The following EDRF1 variants were observed in gnomAD, a reference collection of about 807,000 sequenced individuals.
EDRF1 encodes the protein erythroid differentiation-related factor 1.
A neutral mutation model predicts 148.7 loss-of-function variants in EDRF1; 69 were observed. The ratio of observed to expected loss-of-function variants is 0.46; its 90% CI spans 0.38 to 0.57. EDRF1 has a LOEUF of 0.57. Among genes scored for constraint, EDRF1 ranks in the 20% least tolerant of loss-of-function variants. The probability of loss-of-function intolerance (pLI) is 0.00; values close to 1 mark genes in which losing one functional copy is unlikely to be tolerated. For synonymous variants in EDRF1, 515 were observed against 532.8 expected (o/e 0.97, Z 0.46); for missense variants, 1,118 against 1,478.7 (o/e 0.76, Z 4.00).
intron 19 of EDRF1, chr10:125,747,187 C>G (rs1006048857): frequency 9.8e-6 from 2 of 204,192 alleles, no homozygotes; most frequent in Non-Finnish European, 2.0e-5. Context: ...AGTTTTTAAT[C>G]TAATTTACTA....
chr10:125,747,294 G>A (rs1364691592), intron 19 of EDRF1: 1 of 535,568 alleles, frequency 1.9e-6, no homozygotes, highest in Non-Finnish European at 3.3e-6. Flanking sequence ...CAGCAGCACG[G>A]ATTGGCTTCT....
At chr10:125,735,302 G>A (rs1848673041) in intron 12 of EDRF1, among the ~76,000 whole-genome samples, 6 of 151,966 alleles carry the variant, frequency 3.9e-5, no homozygotes, top group Admixed American at 3.9e-4. Flanking sequence ...TTTCTCACTT[G>A]GCATAGGGTG....
At chr10:125,742,106 G>T in intron 17 of EDRF1, 1 of 708,970 alleles carries the variant, frequency 1.4e-6, no homozygotes, top group South Asian at 1.5e-5. Context: ...GGTGAAGGAG[G>T]TTAATTAACC....
intron 13 of EDRF1, among the ~76,000 whole-genome samples, chr10:125,736,725 A>G (rs150357113): frequency 6.6e-6 from 1 of 151,854 alleles, no homozygotes; most frequent in Non-Finnish European, 1.5e-5. Context: ...AAAAGCATCA[A>G]GATTATGCTC....
At chr10:125,737,385 C>T (rs765143977) in intron 13 of EDRF1, among the ~76,000 whole-genome samples, 11 of 152,144 alleles carry the variant, frequency 7.2e-5, no homozygotes, top group Non-Finnish European at 1.3e-4. Flanking sequence ...GCTCCAGGGT[C>T]CCAGCTCCCC....
chr10:125,763,659 G>A lies in EDRF1; in HGVS notation c.*187G>A. 1 of 676,650 alleles carries A rather than the reference G, an allele frequency of 1.5e-6. No homozygotes were observed. Among genetic ancestry groups the A allele is most frequent in the Non-Finnish European group, 2.5e-6 (1 of 402,578 alleles). The allele number at this position is 676,650 out of a possible 1,614,324, so 41.9% of individuals were successfully genotyped here. A position where few individuals can be genotyped will look rare whatever the true frequency, so the allele number is the denominator to read the frequency against. ...GAGTTCTGTGGCTTCTTCACTTGAAGTGCTAACATCAGAATCAAACTTAAA... is the reference window on the plus strand; with the variant it reads ...GAGTTCTGTGGCTTCTTCACTTGAAATGCTAACATCAGAATCAAACTTAAA... On this transcript the variant is annotated 3_prime_UTR_variant, in exon 25 of 25. Transcript: ENST00000356792. The surrounding 1 kb of genome is among the most constrained non-coding windows in gnomAD (Gnocchi z 4.3).
chr10:125,762,527 G>C (rs939528307), intron 24 of EDRF1, among the ~76,000 whole-genome samples: 1 of 151,494 alleles, frequency 6.6e-6, no homozygotes, highest in Non-Finnish European at 1.5e-5. Flanking sequence ...GAACTGCCAC[G>C]TAATTACTAG....
At chr10:125,723,042 C>T (rs1311444839) in intron 2 of EDRF1, 26 bp from the exon 3 acceptor site, 4 of 1,588,498 alleles carry the variant, frequency 2.5e-6, no homozygotes, top group Admixed American at 3.3e-5. Context: ...GACCTCATAA[C>T]CTGTGTCCTT....
At chr10:125,758,668 C>T (rs568934377) in intron 24 of EDRF1, among the ~76,000 whole-genome samples, 1 of 152,158 alleles carries the variant, frequency 6.6e-6, no homozygotes, top group Non-Finnish European at 1.5e-5. Flanking sequence ...GTCTTCTCTA[C>T]CTTCAGCTCT....
Position 125,743,257 on chromosome 10 carries a change from A to G in EDRF1, c.2571A>G (p.Ala857=). Residue 857 remains alanine (A), a synonymous_variant, in exon 18 of 25, where the codon GCA becomes GCG. Coordinates refer to ENST00000356792, the MANE Select transcript of EDRF1 (RefSeq NM_001202438.2). ...TGTTTTACATGAATCAGGCTGCTGC[A>G]TTACAGAGTGAGAGACTAGGTGAGT... ...IGVFYMNQAA[A]LQSERLVSKS... The G allele has an allele frequency of 6.2e-7, 1 of 1,613,592 alleles. No homozygotes were observed. Among genetic ancestry groups the G allele is most frequent in the Non-Finnish European group, 8.5e-7 (1 of 1,179,688 alleles).
rs763567174 is a variant in EDRF1 at position 125,738,342 on chromosome 10, A to G, written c.1878A>G (p.Pro626=). 2.5e-6 allele frequency: 4 copies of G among 1,614,024 alleles called. No homozygotes were observed. Among genetic ancestry groups the G allele is most frequent in the Admixed American group, 1.7e-5 (1 of 60,000 alleles). Residue 626 remains proline (P), a synonymous_variant, in exon 15 of 25, where the codon CCA becomes CCG. Transcript: ENST00000356792. The stretch of plus-strand genomic sequence containing the variant: ...GCATCAAAAAAGAAAGCGACCTTCC[A>G]GCAGCTGACCCCAGCACTCCAATCC... ...DSSIKKESDL[P]AADPSTPIPL... is the part of the protein sequence containing the mutation.
Position 125,763,400 on chromosome 10 carries a change from A to C in EDRF1, c.3645A>C (p.Arg1215Ser). 1 of 1,612,732 alleles carries C rather than the reference A, an allele frequency of 6.2e-7. No homozygotes were observed. ...ATAAAACCGCGACTCTTCTGGAAAG[A>C]ATCAACGTTATCGTCCACCTGCTGG... ...TANKTATLLE[R>S]INVIVHLLGQ... Residue 1215 changes from arginine (R) to serine (S), a missense_variant, in exon 25 of 25, where the codon AGA becomes AGC. Physicochemically the swap from Arg to Ser is moderately radical, Grantham distance 110. This residue lies in a region of EDRF1 where 954 missense variants were observed against 1,241.4 expected (regional missense o/e 0.77). Coordinates refer to ENST00000356792, the MANE Select transcript of EDRF1 (RefSeq NM_001202438.2). The surrounding 1 kb of genome is among the most constrained non-coding windows in gnomAD (Gnocchi z 4.3).
chr10:125,748,017 TGTCAGTCCAAGTTAA>T lies in EDRF1; in HGVS notation c.3123+8_3123+22del, dbSNP rs1260620712. 6.2e-7 allele frequency: 1 copy of T among 1,614,176 alleles called. No homozygotes were observed. The highest frequency in any genetic ancestry group is 8.5e-7 in the Non-Finnish European group (1 of 1,180,022). ...CACAGCTGTCTGAGGAATCAGGTAT[TGTCAGTCCAAGTTAA>T]GTACAGTGCCACATCAGTTTAAAAG... On this transcript the variant is annotated splice_donor_region_variant and intron_variant, in intron 21 of 24. Coordinates refer to ENST00000356792, the MANE Select transcript of EDRF1 (RefSeq NM_001202438.2).
intron 12 of EDRF1, among the ~76,000 whole-genome samples, chr10:125,735,194 GGT>G (rs957778263): frequency 1.0e-4 from 8 of 77,954 alleles, no homozygotes; most frequent in African/African-American, 1.5e-4. Context: ...TTAATGTAAT[GGT>G]TTTTTTTTTC....
chr10:125,733,562 A>C lies in EDRF1; in HGVS notation c.1276+11A>C. On this transcript the variant is annotated intron_variant, in intron 10 of 24. Coordinates refer to ENST00000356792, the MANE Select transcript of EDRF1 (RefSeq NM_001202438.2). Reference sequence around the variant, plus strand: ...ATTGGCTCTTTAAAGGTAAGCTATTAATACTTCTTGAGTGAACAATAATTG... The same window carrying C: ...ATTGGCTCTTTAAAGGTAAGCTATTCATACTTCTTGAGTGAACAATAATTG... The C allele has an allele frequency of 6.2e-7, 1 of 1,605,710 alleles. No homozygotes were observed. Among genetic ancestry groups the C allele is most frequent in the Non-Finnish European group, 8.5e-7 (1 of 1,172,524 alleles).
At chr10:125,723,738 A>G in intron 3 of EDRF1, 73 bp from the exon 4 acceptor site, 8 of 1,450,786 alleles carry the variant, frequency 5.5e-6, no homozygotes, top group South Asian at 2.3e-5. Flanking sequence ...AAATGAATGA[A>G]GCTAAAATTT....
intron 13 of EDRF1, among the ~76,000 whole-genome samples, chr10:125,737,308 A>G (rs191227661): frequency 6.6e-6 from 1 of 152,272 alleles, no homozygotes; most frequent in Non-Finnish European, 1.5e-5. Context: ...TATTCATATA[A>G]ACATGTCTTT....
chr10:125,757,582 T>G (rs1849969844), intron 24 of EDRF1, among the ~76,000 whole-genome samples: 1 of 152,260 alleles, frequency 6.6e-6, no homozygotes, highest in African/African-American at 2.4e-5. Context: ...ATCATATTCC[T>G]TCTGCCTGAA....
chr10:125,751,626 A>G (rs189891150), intron 22 of EDRF1, among the ~76,000 whole-genome samples: 1 of 152,280 alleles, frequency 6.6e-6, no homozygotes, highest in East Asian at 1.9e-4. Flanking sequence ...GGCAACAGTT[A>G]TTCTCTCCCC....
Sources: allele counts gnomAD v4.1 joint callset (sites outside exome capture counted in the v4.1 genomes callset), GRCh38; gene constraint gnomAD v4.1.1; regional missense constraint gnomAD v4.1.1; non-coding constraint Gnocchi (gnomAD v3.1); transcripts MANE v1.5; gene names NCBI Gene and HGNC (gene_info 2026-07-23, HGNC 2026-07-21).